GYPE: variants seen among roughly 807,000 people sequenced by gnomAD.
The protein encoded by GYPE is glycophorin E (MNS blood group).
A neutral mutation model predicts 11.6 loss-of-function variants in GYPE; 8 were observed. The ratio of observed to expected loss-of-function variants is 0.69; its 90% CI spans 0.41 to 1.25. The LOEUF (loss-of-function observed/expected upper bound fraction) is 1.25, where lower values mean the gene tolerates loss of function less well. GYPE is among the 50% of genes most tolerant of loss of function. GYPE has a pLI of 0.01. For synonymous variants in GYPE, 28 were observed against 29.6 expected (o/e 0.94, Z 0.18); for missense variants, 90 against 92.8 (o/e 0.97, Z 0.12).
chr4:143,879,346 T>C (rs531437834), intron 2 of GYPE, among the ~76,000 whole-genome samples: 63 of 152,356 alleles, frequency 4.1e-4, no homozygotes, highest in African/African-American at 1.5e-3. Context: ...TATTACAAAT[T>C]ACTTAGTATA....
In GYPE at chr4:143,871,782, T is replaced by C. The variant is rs1743627906; in HGVS notation, c.*480A>G. 6.6e-6 allele frequency: 1 copy of C among 152,172 alleles called. No individual in the cohort carries two copies. The highest frequency in any genetic ancestry group is 2.1e-4 in the South Asian group (1 of 4,824). 9.4% of individuals were successfully genotyped at this position (152,172 alleles called of 1,614,324 possible). A position where few individuals can be genotyped will look rare whatever the true frequency, so the allele number is the denominator to read the frequency against. Reference sequence around the variant, plus strand: ...GTCTGTTCGGGCGGCATTTTGCCAATATAGCCCTATCCTAAGGGAAAGGGA... The same window carrying C: ...GTCTGTTCGGGCGGCATTTTGCCAACATAGCCCTATCCTAAGGGAAAGGGA... On this transcript the variant is annotated 3_prime_UTR_variant, in exon 4 of 4. Coordinates refer to ENST00000358615, the MANE Select transcript of GYPE (RefSeq NM_198682.3).
At chr4:143,881,194 A>AG (rs1744009734) in intron 1 of GYPE, among the ~76,000 whole-genome samples, 1 of 151,240 alleles carries the variant, frequency 6.6e-6, no homozygotes, top group Non-Finnish European at 1.5e-5. Flanking sequence ...CCGTCTCAAA[A>AG]AAAAAAAAAA....
intron 3 of GYPE, among the ~76,000 whole-genome samples, chr4:143,875,916 G>C (rs1263253595): frequency 6.6e-6 from 1 of 151,816 alleles, no homozygotes; most frequent in Non-Finnish European, 1.5e-5. Flanking sequence ...AGAGGCTGCA[G>C]TGAGCAGAGA....
chr4:143,874,886 CTT>C (rs992932091), intron 3 of GYPE, among the ~76,000 whole-genome samples: 1 of 152,100 alleles, frequency 6.6e-6, no homozygotes, highest in African/African-American at 2.4e-5. Flanking sequence ...CTGTCATTCT[CTT>C]TACTGTTGAG....
chr4:143,894,271 T>C (rs1744534778), intron 1 of GYPE, among the ~76,000 whole-genome samples: 2 of 152,058 alleles, frequency 1.3e-5, no homozygotes, highest in South Asian at 4.2e-4. Flanking sequence ...TCCTGTAGCT[T>C]GGAGTAGTTT....
At chr4:143,903,603 A>G (rs1415180764) in intron 1 of GYPE, among the ~76,000 whole-genome samples, 2 of 151,782 alleles carry the variant, frequency 1.3e-5, no homozygotes, top group African/African-American at 2.4e-5. Flanking sequence ...TGGGGGAAAA[A>G]CTTGATCTTA....
At chr4:143,898,949 A>T (rs527290712) in intron 1 of GYPE, among the ~76,000 whole-genome samples, 43 of 146,704 alleles carry the variant, frequency 2.9e-4, no homozygotes, top group African/African-American at 1.0e-3. Flanking sequence ...TGTACTATTC[A>T]TGTTTTATGT....
At chr4:143,898,518 T>C (rs1171115506) in intron 1 of GYPE, among the ~76,000 whole-genome samples, 2 of 152,202 alleles carry the variant, frequency 1.3e-5, no homozygotes, top group South Asian at 2.1e-4. Flanking sequence ...ACAATGATTC[T>C]TAAGTAATTA....
At chr4:143,874,011 A>G (rs1432242402) in intron 3 of GYPE, among the ~76,000 whole-genome samples, 41 of 151,876 alleles carry the variant, frequency 2.7e-4, no homozygotes, top group Middle Eastern at 3.4e-3. Context: ...TAGGGTAACT[A>G]TGTCAATTAT....
chr4:143,904,275 T>C (rs1389255357), intron 1 of GYPE, among the ~76,000 whole-genome samples: 3 of 152,266 alleles, frequency 2.0e-5, no homozygotes, highest in East Asian at 1.9e-4. Context: ...ATTCTAATCA[T>C]AGAAAATGCA....
chr4:143,894,129 C>G (rs113766619), intron 1 of GYPE, among the ~76,000 whole-genome samples: 1 of 152,096 alleles, frequency 6.6e-6, no homozygotes, highest in Non-Finnish European at 1.5e-5. Flanking sequence ...GCATTATTCA[C>G]GTAGTTCTCG....
intron 1 of GYPE, among the ~76,000 whole-genome samples, chr4:143,893,180 C>T (rs1744480662): frequency 8.4e-6 from 1 of 119,076 alleles, no homozygotes; most frequent in Non-Finnish European, 1.8e-5. Flanking sequence ...TTCCTCCATC[C>T]TTTTATTTTG....
intron 3 of GYPE, among the ~76,000 whole-genome samples, chr4:143,875,789 CG>C (rs532097659): frequency 6.6e-6 from 1 of 151,844 alleles, no homozygotes; most frequent in South Asian, 2.1e-4. Context: ...GCCAACACAG[CG>C]AAACCCCATC....
chr4:143,875,974 TA>T lies in GYPE; in HGVS notation c.*9+771del, dbSNP rs879577229. On this transcript the variant is annotated intron_variant, in intron 3 of 3. Transcript: ENST00000358615. Reference sequence around the variant, plus strand: ...CTGGGTGACAGAGGGAAACTCTGTCTAAAAAAAAAAAAATAAAAAAAGCATT... The same window carrying T: ...CTGGGTGACAGAGGGAAACTCTGTCTAAAAAAAAAAAATAAAAAAAGCATT... Among the ~76,000 whole-genome samples, 246 of 136,930 alleles carry T rather than the reference TA, an allele frequency of 1.8e-3. 2 individuals are homozygous for T. Among genetic ancestry groups the T allele is most frequent in the Non-Finnish European group, 1.4e-3 (90 of 62,990 alleles). The allele number at this position is 136,930 out of a possible 152,430, so 89.8% of individuals were successfully genotyped here.
At chr4:143,897,034 C>T (rs541223724) in intron 1 of GYPE, among the ~76,000 whole-genome samples, 2 of 151,990 alleles carry the variant, frequency 1.3e-5, no homozygotes, top group African/African-American at 4.8e-5. Context: ...GGAGGGATAG[C>T]ATTAAGAGAT....
intron 1 of GYPE, among the ~76,000 whole-genome samples, chr4:143,895,243 A>G (rs1744579992): frequency 6.6e-6 from 1 of 152,196 alleles, no homozygotes; most frequent in Non-Finnish European, 1.5e-5. Flanking sequence ...ACATGATTGT[A>G]TATCTAGAAA....
chr4:143,902,292 C>T (rs1395380500), intron 1 of GYPE, among the ~76,000 whole-genome samples: 1 of 149,822 alleles, frequency 6.7e-6, no homozygotes, highest in Non-Finnish European at 1.5e-5. Flanking sequence ...TAACTCTTTC[C>T]TGTGCCAATT....
chr4:143,905,464 C>G lies in GYPE; in HGVS notation c.37+7G>C. The G allele has an allele frequency of 1.2e-6, 2 of 1,612,922 alleles. No homozygotes were observed. ...TAACAGAACCAAGATGAAATAAAAT[C>G]ACTTACCTGACAATAGTAATACAAA... On this transcript the variant is annotated splice_region_variant and intron_variant, in intron 1 of 3. Transcript: ENST00000358615.
intron 1 of GYPE, among the ~76,000 whole-genome samples, chr4:143,894,839 G>A (rs1047392489): frequency 9.2e-5 from 14 of 151,962 alleles, no homozygotes; most frequent in Non-Finnish European, 1.5e-4. Flanking sequence ...GGGATGCAAG[G>A]CTGGTTCAAT....
Sources: allele counts gnomAD v4.1 joint callset (sites outside exome capture counted in the v4.1 genomes callset), GRCh38; gene constraint gnomAD v4.1.1; transcripts MANE v1.5; gene names NCBI Gene and HGNC (gene_info 2026-07-23, HGNC 2026-07-21).